Variants in DIAPH3 observed in about 807,000 individuals in gnomAD.
DIAPH3 encodes the protein protein diaphanous homolog 3.
A neutral mutation model predicts 144.3 loss-of-function variants in DIAPH3; 117 were observed. The observed-to-expected ratio is 0.81, with a 90% CI of 0.70 to 0.95. The LOEUF (loss-of-function observed/expected upper bound fraction) is 0.95, where lower values mean the gene tolerates loss of function less well. Ranked by LOEUF, DIAPH3 falls within the 40% of genes least tolerant of loss-of-function variation. The pLI is 0.00. For missense variants in DIAPH3, 1,421 were observed against 1,412.7 expected, an observed-to-expected ratio of 1.01 and a Z score of -0.09; for synonymous variants, 519 against 488.9, an observed-to-expected ratio of 1.06 and a Z score of -0.81.
intron 27 of DIAPH3, among the ~76,000 whole-genome samples, chr13:59,731,678 A>T (rs1383551713): frequency 6.6e-6 from 1 of 152,230 alleles, no homozygotes; most frequent in Non-Finnish European, 1.5e-5. Flanking sequence ...ACGTTGAGAC[A>T]TAATTGCCAT....
At chr13:59,946,759 T>C (rs1566556281) in intron 17 of DIAPH3, among the ~76,000 whole-genome samples, 1 of 152,152 alleles carries the variant, frequency 6.6e-6, no homozygotes. Flanking sequence ...ACATAACGGA[T>C]ATGTTATTTT....
intron 20 of DIAPH3, among the ~76,000 whole-genome samples, chr13:59,882,082 A>T (rs2045091261): frequency 6.6e-6 from 1 of 152,152 alleles, no homozygotes; most frequent in South Asian, 2.1e-4. Flanking sequence ...TATGATAATA[A>T]CAGAAGGGTT....
At chr13:59,818,021 A>C (rs1204752175) in intron 24 of DIAPH3, among the ~76,000 whole-genome samples, 7 of 151,854 alleles carry the variant, frequency 4.6e-5, no homozygotes, top group African/African-American at 1.7e-4. Context: ...TGCTTCTTTA[A>C]ATACAACCTT....
intron 27 of DIAPH3, among the ~76,000 whole-genome samples, chr13:59,738,394 A>C (rs770276220): frequency 2.6e-5 from 4 of 152,094 alleles, no homozygotes; most frequent in Non-Finnish European, 5.9e-5. Flanking sequence ...AAAGCTCAGC[A>C]GAGGAGCCTC....
At chr13:59,774,087 T>C in intron 27 of DIAPH3, 102 bp downstream of exon 27, 16 of 1,159,528 alleles carry the variant, frequency 1.4e-5, no homozygotes, top group Middle Eastern at 2.1e-4. Context: ...CTATTTTAGT[T>C]ATATTGGAAC....
chr13:59,910,351 G>A (rs946794069), intron 20 of DIAPH3, among the ~76,000 whole-genome samples: 2 of 152,050 alleles, frequency 1.3e-5, no homozygotes, highest in African/African-American at 2.4e-5. Flanking sequence ...ACAGAAAAGG[G>A]GCAGGCGGGG....
rs778566219 is a variant in DIAPH3 at position 59,879,247 on chromosome 13, G to A, written c.2589C>T (p.Asn863=). The A allele has an allele frequency of 3.3e-5, 53 of 1,613,644 alleles. No homozygotes were observed. Among genetic ancestry groups the A allele is most frequent in the Non-Finnish European group, 4.4e-5 (52 of 1,179,780 alleles). The change falls in exon 21 of 28, where the codon AAC becomes AAT. Residue 863 remains asparagine, a synonymous_variant. Coordinates refer to ENST00000400324, the MANE Select transcript of DIAPH3 (RefSeq NM_001042517.2). The part of the protein sequence containing the change: ...GSRNAQTFGF[N]LSSLCKLKDT... ...AACTCACTTTACAGAGAGAGCTAAG[G>A]TTAAATCCGAAGGTTTGAGCATTCC...
chr13:59,833,879 T>A (rs2041909674), intron 23 of DIAPH3, among the ~76,000 whole-genome samples: 1 of 151,042 alleles, frequency 6.6e-6, no homozygotes, highest in Non-Finnish European at 1.5e-5. Flanking sequence ...AAATACTTGT[T>A]ATCATCATCC....
rs118175324 is a variant in DIAPH3 at position 59,688,582 on chromosome 13, G to C, written c.3320-21736C>G. Among the ~76,000 whole-genome samples, 73 of 151,910 alleles carry C rather than the reference G, an allele frequency of 4.8e-4. 1 individual carries two copies. The East Asian group carries it at 0.012, about 26-fold the overall frequency. On this transcript the variant is annotated intron_variant, in intron 27 of 27. Transcript: ENST00000400324. ...TCTGAAAGGGACCAGGGACAAAAGA[G>C]GAGCTTATGTTGACTCATTTTTAGT... is the stretch of plus-strand genomic sequence containing the variant.
intron 1 of DIAPH3, among the ~76,000 whole-genome samples, chr13:60,159,489 G>C (rs1952186526): frequency 1.3e-5 from 2 of 152,074 alleles, no homozygotes; most frequent in South Asian, 4.1e-4. Flanking sequence ...GCCGGGCGTA[G>C]TGACACGTGC....
intron 17 of DIAPH3, 88 bp downstream of exon 17, chr13:59,969,856 A>C: frequency 1.2e-6 from 1 of 843,160 alleles, no homozygotes; most frequent in Non-Finnish European, 1.9e-6. Context: ...AGGATTCATA[A>C]AATAATGTTT....
intron 27 of DIAPH3, among the ~76,000 whole-genome samples, chr13:59,690,483 T>A (rs2033452339): frequency 6.6e-6 from 1 of 152,196 alleles, no homozygotes; most frequent in South Asian, 2.1e-4. Flanking sequence ...AGAGGAATTG[T>A]ATTTACTTAA....
intron 27 of DIAPH3, among the ~76,000 whole-genome samples, chr13:59,755,950 A>G (rs994973827): frequency 1.1e-4 from 16 of 152,338 alleles, no homozygotes; most frequent in African/African-American, 3.6e-4. Context: ...ATGGCTCACA[A>G]AGACTAATAA....
At chr13:59,789,393 T>C (rs2039212267) in intron 25 of DIAPH3, among the ~76,000 whole-genome samples, 1 of 152,146 alleles carries the variant, frequency 6.6e-6, no homozygotes, top group East Asian at 1.9e-4. Flanking sequence ...GCATTGAAAA[T>C]ATATTAGGAT....
intron 5 of DIAPH3, among the ~76,000 whole-genome samples, chr13:60,019,410 G>GA (rs2053859373): frequency 1.3e-5 from 2 of 151,904 alleles, no homozygotes; most frequent in Non-Finnish European, 2.9e-5. Context: ...ATTTGTATCA[G>GA]AAAAAAACTG....
At chr13:60,063,920 C>T (rs1402698597) in intron 4 of DIAPH3, among the ~76,000 whole-genome samples, 2 of 151,896 alleles carry the variant, frequency 1.3e-5, no homozygotes, top group African/African-American at 4.8e-5. Flanking sequence ...TAAGAGCAAA[C>T]CCCCAACTCA....
intron 9 of DIAPH3, among the ~76,000 whole-genome samples, chr13:60,007,482 A>C (rs1374071843): frequency 6.6e-6 from 1 of 152,198 alleles, no homozygotes; most frequent in Non-Finnish European, 1.5e-5. Flanking sequence ...TTAAAAAAAA[A>C]CTATAACTTT....
intron 22 of DIAPH3, among the ~76,000 whole-genome samples, chr13:59,841,041 C>T (rs1435656688): frequency 6.6e-6 from 1 of 152,052 alleles, no homozygotes; most frequent in Non-Finnish European, 1.5e-5. Flanking sequence ...GTCTGCTTGT[C>T]AATTATCCAC....
intron 27 of DIAPH3, among the ~76,000 whole-genome samples, chr13:59,741,611 A>G (rs1426270044): frequency 6.6e-6 from 1 of 151,188 alleles, no homozygotes; most frequent in Non-Finnish European, 1.5e-5. Context: ...TTGGTCAGGC[A>G]GGAGCTGAGG....
Sources: allele counts gnomAD v4.1 joint callset (sites outside exome capture counted in the v4.1 genomes callset), GRCh38; gene constraint gnomAD v4.1.1; transcripts MANE v1.5; gene names NCBI Gene and HGNC (gene_info 2026-07-23, HGNC 2026-07-21).